NIPBL: variants seen among roughly 807,000 people sequenced by gnomAD.
The protein encoded by NIPBL is nipped-B-like protein.
In NIPBL, 19 loss-of-function variants were observed where a neutral mutation model predicts 321.8. The ratio of observed to expected loss-of-function variants is 0.06; its 90% CI spans 0.04 to 0.09. The LOEUF (loss-of-function observed/expected upper bound fraction) is 0.09. NIPBL is among the 10% of genes least tolerant of loss of function. NIPBL has a pLI of 1.00. For synonymous variants in NIPBL, 1,106 were observed against 1,114.1 expected, an observed-to-expected ratio of 0.99 and a Z score of 0.14; for missense variants, 2,210 against 3,327.0, an observed-to-expected ratio of 0.66 and a Z score of 8.26.
At chr5:36,923,641 A>G (rs1346844649) in intron 1 of NIPBL, among the ~76,000 whole-genome samples, 1 of 152,158 alleles carries the variant, frequency 6.6e-6, no homozygotes, top group Non-Finnish European at 1.5e-5. Context: ...TTATATCCAG[A>G]AGAATCTTTT....
At chr5:37,004,341 A>G (rs1747168895) in intron 16 of NIPBL, among the ~76,000 whole-genome samples, 1 of 152,110 alleles carries the variant, frequency 6.6e-6, no homozygotes, top group Admixed American at 6.6e-5. Context: ...AATGAATGCA[A>G]ACACTAATGC....
intron 10 of NIPBL, among the ~76,000 whole-genome samples, chr5:36,987,686 T>G (rs1744985499): frequency 6.6e-6 from 1 of 152,248 alleles, no homozygotes; most frequent in African/African-American, 2.4e-5. Flanking sequence ...GAAAAAAGAT[T>G]GCCTTCTGAG....
chr5:37,017,255 T>A, intron 24 of NIPBL, 93 bp downstream of exon 24: 3 of 1,262,458 alleles, frequency 2.4e-6, no homozygotes, highest in Non-Finnish European at 3.3e-6. Flanking sequence ...TTTGTGTGGA[T>A]TCAAAATAAG....
chr5:36,929,703 A>C (rs1024511797), intron 1 of NIPBL, among the ~76,000 whole-genome samples: 3 of 152,064 alleles, frequency 2.0e-5, no homozygotes, highest in African/African-American at 7.2e-5. Context: ...GATGGTTTAT[A>C]GTTTAAGCTC....
chr5:36,920,735 C>T (rs1420504961), intron 1 of NIPBL, among the ~76,000 whole-genome samples: 3 of 152,064 alleles, frequency 2.0e-5, no homozygotes, highest in African/African-American at 7.2e-5. Context: ...TACTGTGCTC[C>T]TCCTCTCAGT....
chr5:36,964,824 A>G (rs1292124267), intron 6 of NIPBL, among the ~76,000 whole-genome samples: 2 of 152,174 alleles, frequency 1.3e-5, no homozygotes, highest in African/African-American at 2.4e-5. Context: ...TATATAAGGA[A>G]CTCAATAGCA....
At chr5:37,042,294 G>C (rs1752484411) in intron 34 of NIPBL, among the ~76,000 whole-genome samples, 1 of 151,518 alleles carries the variant, frequency 6.6e-6, no homozygotes, top group African/African-American at 2.4e-5. Context: ...AATTAGCCAA[G>C]CATGGTGGTG....
chr5:36,938,486 T>C (rs1177701780), intron 1 of NIPBL, among the ~76,000 whole-genome samples: 1 of 152,138 alleles, frequency 6.6e-6, no homozygotes, highest in Non-Finnish European at 1.5e-5. Context: ...ATTATGTAAT[T>C]TTTTGAGTTT....
rs550998866 is a variant in NIPBL, at chr5:36,984,415, C to T, written c.1496-261C>T. Among the ~76,000 whole-genome samples, 147 of 152,118 alleles carry T rather than the reference C, an allele frequency of 9.7e-4. 1 individual carries two copies. The highest frequency in any genetic ancestry group is 3.4e-3 in the African/African-American group (143 of 41,556). ...AAGTTCTATTCATTTTATATTCTTACACTTATTTATATCCTTAAAGAGTAT... is the reference window on the plus strand; with the variant it reads ...AAGTTCTATTCATTTTATATTCTTATACTTATTTATATCCTTAAAGAGTAT... On this transcript the variant is annotated intron_variant, in intron 9 of 46. Transcript: ENST00000282516.
intron 1 of NIPBL, among the ~76,000 whole-genome samples, chr5:36,883,203 C>T (rs1484430921): frequency 6.6e-6 from 1 of 151,726 alleles, no homozygotes; most frequent in African/African-American, 2.4e-5. Context: ...ATTGAATTTT[C>T]AAAATAATTC....
At chr5:36,909,945 G>A (rs948707756) in intron 1 of NIPBL, among the ~76,000 whole-genome samples, 1 of 152,004 alleles carries the variant, frequency 6.6e-6, no homozygotes, top group African/African-American at 2.4e-5. Context: ...GCATGGTGGT[G>A]CACACCTGTA....
intron 1 of NIPBL, among the ~76,000 whole-genome samples, chr5:36,911,383 C>G (rs1191664383): frequency 6.6e-6 from 1 of 152,102 alleles, no homozygotes; most frequent in Admixed American, 6.5e-5. Context: ...TGATTATTTC[C>G]TTCACTCCCA....
At position 37,057,537 on chromosome 5, in the gene NIPBL, A is replaced by G. The variant is rs191578495; in HGVS notation, c.7410+205A>G. The stretch of plus-strand genomic sequence containing the variant: ...CTCTATTTAGAAACATCTAAAATAG[A>G]TATATGGATTGTTCTGTTGATAAGC... On this transcript the variant is annotated intron_variant, in intron 43 of 46. Coordinates refer to ENST00000282516, the MANE Select transcript of NIPBL (RefSeq NM_133433.4). 4.0e-4 allele frequency among the ~76,000 whole-genome samples: 61 copies of G among 152,344 alleles called. 1 individual carries two copies. In the East Asian group the frequency reaches 0.012, roughly 29 times the overall value.
chr5:36,995,779 T>C lies in NIPBL; in HGVS notation c.3279T>C (p.Asp1093=). 3.7e-6 allele frequency: 6 copies of C among 1,613,576 alleles called. No individual in the cohort carries two copies. The highest frequency in any genetic ancestry group is 1.1e-5 in the South Asian group (1 of 91,066). Residue 1093 remains aspartate (D), a synonymous_variant, in exon 11 of 47, where the codon GAT becomes GAC. Transcript: ENST00000282516. ...PKYAEISSDE[D]NDSDEAFESS... ...ATGCTGAAATCAGTTCAGATGAAGATAATGATAGTGATGAAGCTTTTGAAT... is the reference window on the plus strand; with the variant it reads ...ATGCTGAAATCAGTTCAGATGAAGACAATGATAGTGATGAAGCTTTTGAAT...
At chr5:37,050,157 CTTTT>C (rs916973501) in intron 40 of NIPBL, among the ~76,000 whole-genome samples, 2 of 149,300 alleles carry the variant, frequency 1.3e-5, no homozygotes, top group Non-Finnish European at 3.0e-5. Flanking sequence ...GCCTTTTAAA[CTTTT>C]TTTTTTAATT....
At chr5:36,993,264 A>G (rs1032410325) in intron 10 of NIPBL, among the ~76,000 whole-genome samples, 1 of 152,200 alleles carries the variant, frequency 6.6e-6, no homozygotes, top group South Asian at 2.1e-4. Flanking sequence ...TCAGAAATAA[A>G]ACATTTGGCC....
At chr5:37,064,159 TAA>T in intron 46 of NIPBL, 181 bp downstream of exon 46, 1 of 1,423,176 alleles carries the variant, frequency 7.0e-7, no homozygotes, top group Non-Finnish European at 9.2e-7. Context: ...AAGTTTAACA[TAA>T]AAGACAATAA....
intron 1 of NIPBL, among the ~76,000 whole-genome samples, chr5:36,904,313 T>A (rs983268311): frequency 6.6e-6 from 1 of 152,134 alleles, no homozygotes; most frequent in Non-Finnish European, 1.5e-5. Flanking sequence ...TGCTAAAAAT[T>A]CAAAAAATTA....
rs1214657876 is a variant in NIPBL at position 36,970,966 on chromosome 5, A to G, written c.701A>G (p.His234Arg). The change falls in exon 7 of 47, where the codon CAT becomes CGT. Residue 234 changes from histidine to arginine, a missense_variant. This residue lies in a region of NIPBL where 464 missense variants were observed against 529.5 expected (regional missense o/e 0.88). Coordinates refer to ENST00000282516, the MANE Select transcript of NIPBL (RefSeq NM_133433.4). Reference sequence around the variant, plus strand: ...CCGTTGTCTGGCAATTCAGCTAATCATCATGCTGATAATCCTAGACATGGT... The same window carrying G: ...CCGTTGTCTGGCAATTCAGCTAATCGTCATGCTGATAATCCTAGACATGGT... The part of the protein sequence containing the change: ...SGPLSGNSAN[H>R]HADNPRHGSS... The G allele has an allele frequency of 6.2e-7, 1 of 1,613,474 alleles. No individual in the cohort carries two copies.
Sources: allele counts gnomAD v4.1 joint callset (sites outside exome capture counted in the v4.1 genomes callset), GRCh38; gene constraint gnomAD v4.1.1; regional missense constraint gnomAD v4.1.1; transcripts MANE v1.5; gene names NCBI Gene and HGNC (gene_info 2026-07-23, HGNC 2026-07-21).